TMEM132C: variants seen among roughly 807,000 people sequenced by gnomAD.
The protein encoded by TMEM132C is protein phosphatase 1, regulatory subunit 152.
A neutral mutation model predicts 61.4 loss-of-function variants in TMEM132C; 29 were observed. That is an observed-to-expected ratio of 0.47 (90% CI 0.35 to 0.64). The LOEUF (loss-of-function observed/expected upper bound fraction) is 0.64, where lower values mean the gene tolerates loss of function less well. Among genes scored for constraint, TMEM132C ranks in the 30% least tolerant of loss-of-function variants. The pLI is 0.00. For missense variants in TMEM132C, 1,408 were observed against 1,476.9 expected, an observed-to-expected ratio of 0.95 and a Z score of 0.76; for synonymous variants, 656 against 633.1, an observed-to-expected ratio of 1.04 and a Z score of -0.54.
chr12:128,270,637 T>G (rs1376613973), intron 1 of TMEM132C, among the ~76,000 whole-genome samples: 1 of 152,218 alleles, frequency 6.6e-6, no homozygotes, highest in Non-Finnish European at 1.5e-5. Context: ...TCACCCGCAT[T>G]CGTGCTGCCA....
At chr12:128,644,548 C>T (rs1338413673) in intron 4 of TMEM132C, among the ~76,000 whole-genome samples, 1 of 152,094 alleles carries the variant, frequency 6.6e-6, no homozygotes, top group Non-Finnish European at 1.5e-5. Flanking sequence ...CTAAAAAAGG[C>T]AAAACTATAG....
intron 2 of TMEM132C, among the ~76,000 whole-genome samples, chr12:128,522,341 C>T (rs1366401903): frequency 6.6e-6 from 1 of 152,202 alleles, no homozygotes; most frequent in Non-Finnish European, 1.5e-5. Context: ...TTACTCATGG[C>T]AGAATCAGAC....
intron 4 of TMEM132C, among the ~76,000 whole-genome samples, chr12:128,620,149 T>G (rs1399963131): frequency 1.3e-5 from 2 of 148,910 alleles, no homozygotes; most frequent in East Asian, 4.0e-4. Flanking sequence ...GGAGGATCGC[T>G]TAAGCCCAGG....
intron 2 of TMEM132C, among the ~76,000 whole-genome samples, chr12:128,528,197 G>A (rs1467170914): frequency 6.6e-6 from 1 of 152,154 alleles, no homozygotes; most frequent in East Asian, 1.9e-4. Flanking sequence ...TTTGTCTTCC[G>A]TTGGCCAGCC....
rs527905463 is a variant in TMEM132C at position 128,439,831 on chromosome 12, G to A, written c.974+24211G>A. Among the ~76,000 whole-genome samples, 6 of 152,230 alleles carry A rather than the reference G, an allele frequency of 3.9e-5. No homozygotes were observed. The East Asian group carries it at 5.8e-4, about 15-fold the overall frequency. ...AAGGCAGGCAGCAGGCGTATGAGCC[G>A]CAGATGATGGAGCAGCAGAATGAGT... On this transcript the variant is annotated intron_variant, in intron 2 of 8. Coordinates refer to ENST00000435159, the MANE Select transcript of TMEM132C (RefSeq NM_001136103.3).
chr12:128,535,549 T>A (rs559361171), intron 2 of TMEM132C, among the ~76,000 whole-genome samples: 91 of 152,296 alleles, frequency 6.0e-4, no homozygotes, highest in Non-Finnish European at 1.0e-3. Context: ...TACCATCTCA[T>A]GCCAGTTAGA....
intron 3 of TMEM132C, among the ~76,000 whole-genome samples, chr12:128,547,844 C>T (rs1377472369): frequency 6.6e-6 from 1 of 152,176 alleles, no homozygotes; most frequent in Non-Finnish European, 1.5e-5. Context: ...GCCAACCATT[C>T]CCATCTGTAG....
intron 2 of TMEM132C, among the ~76,000 whole-genome samples, chr12:128,538,271 C>T (rs1336765196): frequency 2.0e-5 from 3 of 150,700 alleles, no homozygotes; most frequent in Non-Finnish European, 4.4e-5. Flanking sequence ...CAGGTCCCTC[C>T]CACCATGCCT....
intron 2 of TMEM132C, among the ~76,000 whole-genome samples, chr12:128,427,231 G>A (rs1869216226): frequency 6.6e-6 from 1 of 152,102 alleles, no homozygotes; most frequent in Admixed American, 6.5e-5. Flanking sequence ...GAAAAAAACA[G>A]GCATCCCTAT....
rs192732744 is a variant in TMEM132C at position 128,505,591 on chromosome 12, C to A, written c.975-38366C>A. Among the ~76,000 whole-genome samples the A allele has an allele frequency of 4.5e-4, 69 of 152,224 alleles. 1 individual carries two copies. The highest frequency in any genetic ancestry group is 1.6e-3 in the African/African-American group (65 of 41,528). On this transcript the variant is annotated intron_variant, in intron 2 of 8. Transcript: ENST00000435159. Reference sequence around the variant, plus strand: ...TATTATAGGGCTGTTGTAAAAATAGCGTGATATGTAAAACATGCCAAACCT... The same window carrying A: ...TATTATAGGGCTGTTGTAAAAATAGAGTGATATGTAAAACATGCCAAACCT...
chr12:128,500,132 T>G (rs1271124943), intron 2 of TMEM132C, among the ~76,000 whole-genome samples: 2 of 152,176 alleles, frequency 1.3e-5, no homozygotes, highest in African/African-American at 2.4e-5. Context: ...CAACAGGTGG[T>G]CCTGAGACAA....
At chr12:128,309,548 C>T (rs1871902320) in intron 1 of TMEM132C, among the ~76,000 whole-genome samples, 1 of 152,106 alleles carries the variant, frequency 6.6e-6, no homozygotes, top group South Asian at 2.1e-4. Context: ...ATTCCGTTTT[C>T]CTCCAGCCCC....
In TMEM132C at chr12:128,669,484, C is replaced by T. The variant is rs2135630608; in HGVS notation, c.1373C>T (p.Ser458Phe). 7 of 1,551,692 alleles carry T rather than the reference C, an allele frequency of 4.5e-6. No homozygotes were observed. The highest frequency in any genetic ancestry group is 6.1e-6 in the Non-Finnish European group (7 of 1,146,998). ...GTTGCCATGCCTATCAAGGTGGTCT[C>T]TGTGGAGGAGAACAGTGCCGTGATG... Reference protein sequence around the residue: ...KTVAMPIKVVSVEENSAVMDI... With the variant: ...KTVAMPIKVVFVEENSAVMDI... Residue 458 changes from serine to phenylalanine, a missense_variant, in exon 5 of 9, where the codon TCT becomes TTT. Ser to Phe is a radical substitution (Grantham distance 155). Transcript: ENST00000435159.
intron 1 of TMEM132C, among the ~76,000 whole-genome samples, chr12:128,410,380 C>T (rs969216818): frequency 2.6e-5 from 4 of 151,696 alleles, no homozygotes; most frequent in African/African-American, 7.3e-5. Flanking sequence ...TATACACACA[C>T]ACATATATAT....
chr12:128,479,318 T>G (rs1871250302), intron 2 of TMEM132C, among the ~76,000 whole-genome samples: 1 of 151,952 alleles, frequency 6.6e-6, no homozygotes, highest in African/African-American at 2.4e-5. Context: ...TGACACAAGT[T>G]TACCTATGTA....
rs59194598 is a variant in TMEM132C at position 128,604,451 on chromosome 12, A to AGATAGATG, written c.1122-11701_1122-11700insGATAGATG. Among the ~76,000 whole-genome samples the AGATAGATG allele has an allele frequency of 4.2e-5, 6 of 141,534 alleles. No individual in the cohort carries two copies. In the East Asian group the frequency reaches 1.2e-3, roughly 29 times the overall value. The allele number at this position is 141,534 out of a possible 152,430, so 92.9% of individuals were successfully genotyped here. A position where few individuals can be genotyped will look rare whatever the true frequency, so the allele number is the denominator to read the frequency against. Reference sequence around the variant, plus strand: ...TAGATAGATAGATAGATAGATAGATAATAGATGGATAGATAGATGATACAA... The same window carrying AGATAGATG: ...TAGATAGATAGATAGATAGATAGATAGATAGATGATAGATGGATAGATAGATGATACAA... On this transcript the variant is annotated intron_variant, in intron 3 of 8. Transcript: ENST00000435159.
chr12:128,485,195 G>A (rs1199560293), intron 2 of TMEM132C, among the ~76,000 whole-genome samples: 2 of 152,116 alleles, frequency 1.3e-5, no homozygotes, highest in Non-Finnish European at 2.9e-5. Context: ...TTATTATTTT[G>A]AAACAAATTC....
intron 1 of TMEM132C, among the ~76,000 whole-genome samples, chr12:128,400,452 A>C (rs1445326109): frequency 6.6e-6 from 1 of 152,162 alleles, no homozygotes; most frequent in East Asian, 1.9e-4. Flanking sequence ...GGCCAGGGGC[A>C]GGGCTTTCCC....
chr12:128,546,797 A>G (rs1425697768), intron 3 of TMEM132C, among the ~76,000 whole-genome samples: 1 of 152,230 alleles, frequency 6.6e-6, no homozygotes, highest in African/African-American at 2.4e-5. Context: ...ATCCCAGATC[A>G]TCACCCATAT....
Sources: allele counts gnomAD v4.1 joint callset (sites outside exome capture counted in the v4.1 genomes callset), GRCh38; gene constraint gnomAD v4.1.1; transcripts MANE v1.5; gene names NCBI Gene and HGNC (gene_info 2026-07-23, HGNC 2026-07-21).